PCDH9: variants seen among roughly 807,000 people sequenced by gnomAD.
PCDH9 encodes the protein protocadherin-9.
In PCDH9, 24 loss-of-function variants were observed where a neutral mutation model predicts 70.6. The observed-to-expected ratio is 0.34, with a 90% CI of 0.25 to 0.48. The LOEUF is 0.48. Among genes scored for constraint, PCDH9 ranks in the 20% least tolerant of loss-of-function variants. PCDH9 has a pLI of 0.99. For synonymous variants in PCDH9, 562 were observed against 558.5 expected, an observed-to-expected ratio of 1.01 and a Z score of -0.09; for missense variants, 1,281 against 1,503.6, an observed-to-expected ratio of 0.85 and a Z score of 2.45.
chr13:67,096,112 T>C (rs1217945509), intron 2 of PCDH9, among the ~76,000 whole-genome samples: 1 of 152,162 alleles, frequency 6.6e-6, no homozygotes. Context: ...ATAGAGAACT[T>C]ACCATATTTT....
At chr13:67,103,591 A>G (rs1224290193) in intron 2 of PCDH9, among the ~76,000 whole-genome samples, 1 of 152,184 alleles carries the variant, frequency 6.6e-6, no homozygotes, top group Middle Eastern at 3.2e-3. Flanking sequence ...TAAAGCAAAG[A>G]CTTTTTTCTT....
chr13:66,527,646 T>C (rs187631703), intron 4 of PCDH9, among the ~76,000 whole-genome samples: 2 of 152,158 alleles, frequency 1.3e-5, no homozygotes, highest in Admixed American at 1.3e-4. Context: ...TACTTAAATA[T>C]GACTTGACAC....
chr13:67,103,308 T>G (rs2086469773), intron 2 of PCDH9, among the ~76,000 whole-genome samples: 1 of 152,148 alleles, frequency 6.6e-6, no homozygotes, highest in Admixed American at 6.5e-5. Flanking sequence ...TTTATTTCTG[T>G]TTGGAAGTTA....
chr13:66,760,945 G>A lies in PCDH9; in HGVS notation c.3139-129534C>T, dbSNP rs188631501. On this transcript the variant is annotated intron_variant, in intron 3 of 4. Coordinates refer to ENST00000377865, the MANE Select transcript of PCDH9 (RefSeq NM_203487.3). ...AAAATTCCAGGCTGGTGAAATTCTA[G>A]TCAGACTGGTTGTCTGCTCCTGAAC... Among the ~76,000 whole-genome samples the A allele has an allele frequency of 3.9e-5, 6 of 152,192 alleles. No homozygotes were observed. The East Asian group carries it at 9.6e-4, about 24-fold the overall frequency.
intron 2 of PCDH9, among the ~76,000 whole-genome samples, chr13:66,980,554 T>C (rs1049454769): frequency 3.9e-5 from 6 of 152,092 alleles, no homozygotes; most frequent in Non-Finnish European, 7.4e-5. Flanking sequence ...AAGATACTTC[T>C]TGATTTGATA....
chr13:66,903,021 T>C (rs1188401030), intron 3 of PCDH9, among the ~76,000 whole-genome samples: 4 of 151,716 alleles, frequency 2.6e-5, no homozygotes, highest in South Asian at 4.1e-4. Flanking sequence ...ATCAAACTGA[T>C]ATAAAGTAGT....
chr13:66,738,064 C>T (rs2139191891), intron 3 of PCDH9, among the ~76,000 whole-genome samples: 1 of 152,350 alleles, frequency 6.6e-6, no homozygotes, highest in East Asian at 1.9e-4. Context: ...AACAAAAAGA[C>T]AGCAGTAACC....
chr13:67,136,957 A>G (rs761713147), intron 2 of PCDH9, among the ~76,000 whole-genome samples: 7 of 151,940 alleles, frequency 4.6e-5, no homozygotes, highest in Admixed American at 1.3e-4. Flanking sequence ...TTTCTATAAA[A>G]TGATTTATGA....
At chr13:66,592,089 A>C (rs1278996357) in intron 4 of PCDH9, among the ~76,000 whole-genome samples, 2 of 151,710 alleles carry the variant, frequency 1.3e-5, no homozygotes, top group Non-Finnish European at 2.9e-5. Flanking sequence ...AGTACTTATC[A>C]ATATAATGAA....
chr13:66,485,655 A>G (rs933694245), intron 4 of PCDH9, among the ~76,000 whole-genome samples: 57 of 152,206 alleles, frequency 3.7e-4, no homozygotes, highest in African/African-American at 1.3e-3. Flanking sequence ...ATGGCAATGC[A>G]TAAATTATCA....
intron 2 of PCDH9, among the ~76,000 whole-genome samples, chr13:67,198,581 T>A (rs1001117548): frequency 6.6e-6 from 1 of 151,918 alleles, no homozygotes; most frequent in Non-Finnish European, 1.5e-5. Context: ...ATGAATATGC[T>A]AATCATCCAC....
At chr13:66,835,053 T>C (rs1357375776) in intron 3 of PCDH9, among the ~76,000 whole-genome samples, 1 of 152,258 alleles carries the variant, frequency 6.6e-6, no homozygotes, top group East Asian at 1.9e-4. Context: ...TTTACTGGGC[T>C]TGGTTCTGTG....
At chr13:66,396,049 A>T (rs1957096396) in intron 4 of PCDH9, among the ~76,000 whole-genome samples, 2 of 152,196 alleles carry the variant, frequency 1.3e-5, no homozygotes, top group Admixed American at 1.3e-4. Flanking sequence ...TAGAGAAAGT[A>T]AGAGTAGGAA....
intron 3 of PCDH9, among the ~76,000 whole-genome samples, chr13:66,848,316 T>C (rs895450588): frequency 2.0e-5 from 3 of 152,234 alleles, no homozygotes; most frequent in African/African-American, 4.8e-5. Flanking sequence ...TTTTCACCTC[T>C]GCTTTTGCTA....
chr13:67,158,976 G>A (rs2087882803), intron 2 of PCDH9, among the ~76,000 whole-genome samples: 1 of 152,144 alleles, frequency 6.6e-6, no homozygotes. Context: ...TCCAAATGAG[G>A]TAGGGTATCA....
chr13:66,896,874 G>T (rs780764454), intron 3 of PCDH9, among the ~76,000 whole-genome samples: 1 of 152,074 alleles, frequency 6.6e-6, no homozygotes, highest in Admixed American at 6.6e-5. Flanking sequence ...TGGCCTTCAC[G>T]CAGGCTGTAT....
At chr13:66,882,838 A>G (rs1315670791) in intron 3 of PCDH9, among the ~76,000 whole-genome samples, 2 of 152,186 alleles carry the variant, frequency 1.3e-5, no homozygotes, top group Admixed American at 6.5e-5. Context: ...ACCTCAGTGC[A>G]TAAGGTCTAT....
At chr13:67,110,303 T>C (rs1261358284) in intron 2 of PCDH9, among the ~76,000 whole-genome samples, 2 of 151,608 alleles carry the variant, frequency 1.3e-5, no homozygotes, top group African/African-American at 2.4e-5. Flanking sequence ...GAAGGTGGAT[T>C]ATGAAGTTCA....
At chr13:67,049,112 A>T (rs1393979969) in intron 2 of PCDH9, among the ~76,000 whole-genome samples, 1 of 152,208 alleles carries the variant, frequency 6.6e-6, no homozygotes, top group African/African-American at 2.4e-5. Context: ...AGCCTTCCGT[A>T]ATCAGTACTT....
Sources: allele counts gnomAD v4.1 joint callset (sites outside exome capture counted in the v4.1 genomes callset), GRCh38; gene constraint gnomAD v4.1.1; transcripts MANE v1.5; gene names NCBI Gene and HGNC (gene_info 2026-07-23, HGNC 2026-07-21).